Variants in DPH6 observed in about 807,000 individuals in gnomAD.
DPH6 encodes the protein diphthamine biosynthesis 6, also known as diphthine--ammonia ligase.
A neutral mutation model predicts 38.2 loss-of-function variants in DPH6; 33 were observed. The observed-to-expected ratio is 0.86, with a 90% CI of 0.65 to 1.15. The LOEUF is 1.15. Ranked by LOEUF, DPH6 falls within the 50% of genes most tolerant of loss-of-function variation. The pLI, the probability that DPH6 is intolerant of heterozygous loss-of-function variation, is 0.00. For missense variants in DPH6, 325 were observed against 320.0 expected (o/e 1.02, Z -0.12); for synonymous variants, 108 against 103.0 (o/e 1.05, Z -0.30).
chr15:35,397,272 T>C (rs1007770925), intron 6 of DPH6, among the ~76,000 whole-genome samples: 1 of 152,230 alleles, frequency 6.6e-6, no homozygotes, highest in African/African-American at 2.4e-5. Context: ...GATTTCCCAA[T>C]TCTTTGACAG....
chr15:35,426,633 G>A (rs1390658899), intron 5 of DPH6, among the ~76,000 whole-genome samples: 3 of 151,742 alleles, frequency 2.0e-5, no homozygotes, highest in Non-Finnish European at 4.4e-5. Context: ...CACAATTCAA[G>A]CTCATGTTCT....
chr15:35,425,651 A>T (rs79954535), intron 5 of DPH6, among the ~76,000 whole-genome samples: 2,016 of 142,910 alleles, frequency 0.014, 93 homozygotes, highest in Admixed American at 0.095. Context: ...TCCATATATA[A>T]GATATATATG....
chr15:35,243,823 C>T (rs7183579), intron 3 of DPH6, among the ~76,000 whole-genome samples: 1,610 of 152,270 alleles, frequency 0.011, 30 homozygotes, highest in African/African-American at 0.036. Flanking sequence ...TCTCTTCCCA[C>T]GGACGCGCAT....
At chr15:35,440,276 GC>G in intron 5 of DPH6, among the ~76,000 whole-genome samples, 1 of 152,128 alleles carries the variant, frequency 6.6e-6, no homozygotes, top group Non-Finnish European at 1.5e-5. Context: ...CCAAAGCCAA[GC>G]CCCATGCACC....
intron 3 of DPH6, among the ~76,000 whole-genome samples, chr15:35,301,991 A>AATG (rs1335042050): frequency 6.6e-6 from 1 of 152,050 alleles, no homozygotes; most frequent in Non-Finnish European, 1.5e-5. Context: ...TAATAATAAT[A>AATG]ATTAAAAAGA....
chr15:35,508,426 A>C (rs892651412), intron 3 of DPH6, among the ~76,000 whole-genome samples: 1 of 152,210 alleles, frequency 6.6e-6, no homozygotes, highest in Non-Finnish European at 1.5e-5. Context: ...AAAGAAAATG[A>C]ATGTAAAACA....
At chr15:35,269,687 C>T (rs1397729924) in intron 3 of DPH6, among the ~76,000 whole-genome samples, 3 of 151,376 alleles carry the variant, frequency 2.0e-5, no homozygotes, top group Non-Finnish European at 2.9e-5. Flanking sequence ...ATCCGCCCGC[C>T]TCGGCCTCCC....
intron 3 of DPH6, among the ~76,000 whole-genome samples, chr15:35,300,038 T>A (rs2052044441): frequency 6.6e-6 from 1 of 152,276 alleles, no homozygotes; most frequent in East Asian, 1.9e-4. Context: ...ACTAGGACTG[T>A]GAGCACAGAA....
chr15:35,457,143 TG>T (rs1354838150), intron 3 of DPH6, among the ~76,000 whole-genome samples: 1 of 151,518 alleles, frequency 6.6e-6, no homozygotes, highest in Non-Finnish European at 1.5e-5. Flanking sequence ...TTAGTAGAGA[TG>T]GGGTTTCACT....
intron 3 of DPH6, among the ~76,000 whole-genome samples, chr15:35,529,452 C>T (rs1302116882): frequency 1.3e-5 from 2 of 152,166 alleles, no homozygotes; most frequent in African/African-American, 4.8e-5. Flanking sequence ...CACTGGGAAT[C>T]ACAACTTGAC....
downstream of DPH6, among the ~76,000 whole-genome samples, chr15:35,329,533 T>C (rs1180884086): frequency 1.3e-5 from 2 of 152,200 alleles, no homozygotes; most frequent in Non-Finnish European, 2.9e-5. Flanking sequence ...CAATTAACCT[T>C]GCAAAGGGAA....
chr15:35,525,913 A>C (rs907793167), intron 3 of DPH6, among the ~76,000 whole-genome samples: 1 of 151,986 alleles, frequency 6.6e-6, no homozygotes. Context: ...GTTCAAGAAT[A>C]CCTCTCCCTT....
intron 5 of DPH6, among the ~76,000 whole-genome samples, chr15:35,412,614 G>A (rs2053381359): frequency 6.6e-6 from 1 of 151,630 alleles, no homozygotes; most frequent in Admixed American, 6.6e-5. Context: ...AGTAAATTGT[G>A]TATATCCAGA....
the DPH6 span, among the ~76,000 whole-genome samples, chr15:35,158,666 T>G: frequency 3.3e-4 from 50 of 152,234 alleles, no homozygotes; most frequent in African/African-American, 1.2e-3. Flanking sequence ...AAGCTATTTT[T>G]CAGCTTTTGA....
chr15:35,320,186 T>A (rs1030411674), intron 3 of DPH6, among the ~76,000 whole-genome samples: 2 of 152,174 alleles, frequency 1.3e-5, no homozygotes, highest in Admixed American at 6.5e-5. Context: ...ATTCTGAAAT[T>A]TCATTTATTT....
rs962781336 is a variant in DPH6 at position 35,493,637 on chromosome 15, T to C, written c.313-38817A>G. Among the ~76,000 whole-genome samples the C allele has an allele frequency of 3.3e-5, 5 of 152,216 alleles. No individual in the cohort carries two copies. The South Asian group carries it at 1.0e-3, about 32-fold the overall frequency. ...TTAGAGATTAAAGAATTCACCTCTGTTTATTAATATGGAAACTGAGGGTCA... is the reference window on the plus strand; with the variant it reads ...TTAGAGATTAAAGAATTCACCTCTGCTTATTAATATGGAAACTGAGGGTCA... On this transcript the variant is annotated intron_variant, in intron 3 of 8. Transcript: ENST00000256538.
Position 35,276,856 on chromosome 15 carries a change from G to C in DPH6, n.201-56274C>G, listed in dbSNP as rs548230403. ...GCCTTATAGTGTAGTTTGAAATCAG[G>C]TAATGTGATGCCTCCAGATTTGTTC... On this transcript the variant is annotated intron_variant and non_coding_transcript_variant, in intron 3 of 3. Coordinates refer to the DPH6 transcript ENST00000560386. Among the ~76,000 whole-genome samples the C allele has an allele frequency of 2.0e-5, 3 of 152,254 alleles. No homozygotes were observed. The South Asian group carries it at 6.2e-4, about 32-fold the overall frequency.
At chr15:35,513,991 T>C (rs1040088238) in intron 3 of DPH6, among the ~76,000 whole-genome samples, 1 of 152,062 alleles carries the variant, frequency 6.6e-6, no homozygotes, top group Non-Finnish European at 1.5e-5. Context: ...GACTGATCAA[T>C]TGATTCTAAG....
Position 35,371,953 on chromosome 15 carries a change from G to A in DPH6, c.*197C>T, listed in dbSNP as rs1173833700. The A allele has an allele frequency of 1.6e-6, 2 of 1,262,428 alleles. No individual in the cohort carries two copies. Among genetic ancestry groups the A allele is most frequent in the African/African-American group, 1.6e-5 (1 of 63,472 alleles). 78.2% of individuals were successfully genotyped at this position (1,262,428 alleles called of 1,614,324 possible). ...AGAAAGAGTGAATTCCAAGAAAGTT[G>A]GCACTATTAATGAACATGCCGTCGA... On this transcript the variant is annotated 3_prime_UTR_variant, in exon 9 of 9. Transcript: ENST00000256538.
Sources: allele counts gnomAD v4.1 joint callset (sites outside exome capture counted in the v4.1 genomes callset), GRCh38; gene constraint gnomAD v4.1.1; transcripts MANE v1.5; gene names NCBI Gene and HGNC (gene_info 2026-07-23, HGNC 2026-07-21).